FARS2: variants seen among roughly 807,000 people sequenced by gnomAD.
FARS2 encodes the protein phenylalanine--tRNA ligase, mitochondrial.
A neutral mutation model predicts 46.4 loss-of-function variants in FARS2; 40 were observed. That is an observed-to-expected ratio of 0.86 (90% CI 0.67 to 1.12). FARS2 has a LOEUF of 1.12. Ranked by LOEUF, FARS2 falls within the 50% of genes most tolerant of loss-of-function variation. The pLI is 0.00. For missense variants in FARS2, 513 were observed against 567.9 expected (o/e 0.90, Z 0.98); for synonymous variants, 234 against 214.9 (o/e 1.09, Z -0.78).
At chr6:5,710,494 T>C (rs1759073126) in intron 6 of FARS2, among the ~76,000 whole-genome samples, 1 of 152,076 alleles carries the variant, frequency 6.6e-6, no homozygotes, top group Non-Finnish European at 1.5e-5. Context: ...CATAGAGTAG[T>C]CCAGGACGGT....
chr6:5,708,099 A>T (rs1758876811), intron 6 of FARS2, among the ~76,000 whole-genome samples: 1 of 152,098 alleles, frequency 6.6e-6, no homozygotes, highest in African/African-American at 2.4e-5. Flanking sequence ...CCTCAAAGTC[A>T]TGGTGTGGTT....
chr6:5,289,908 C>T (rs759735778), intron 1 of FARS2, among the ~76,000 whole-genome samples: 15 of 152,162 alleles, frequency 9.9e-5, no homozygotes, highest in Non-Finnish European at 1.8e-4. Flanking sequence ...TTCCCTGCCT[C>T]CAAACCCTAT....
chr6:5,436,833 G>A (rs992976033), intron 4 of FARS2, among the ~76,000 whole-genome samples: 5 of 152,140 alleles, frequency 3.3e-5, no homozygotes, highest in Admixed American at 6.5e-5. Flanking sequence ...TAATTCTTAC[G>A]AATGACTCAC....
chr6:5,754,291 C>T (rs540055930), intron 6 of FARS2, among the ~76,000 whole-genome samples: 2 of 152,346 alleles, frequency 1.3e-5, no homozygotes, highest in South Asian at 4.1e-4. Flanking sequence ...TGTTTTGCTT[C>T]ACAGTGTGTT....
rs536960884 is a variant in FARS2 at position 5,573,052 on chromosome 6, G to A, written c.1065+27712G>A. On this transcript the variant is annotated intron_variant, in intron 5 of 6. Coordinates refer to ENST00000274680, the MANE Select transcript of FARS2 (RefSeq NM_006567.5). ...TGTTTCTTCCTATCCAGTCTGCCTC[G>A]CCCCCTGCTCCCTTATACCTGCTTT... 9.3e-4 allele frequency among the ~76,000 whole-genome samples: 142 copies of A among 152,024 alleles called. 1 individual carries two copies. The Middle Eastern group carries it at 0.014, about 15-fold the overall frequency.
chr6:5,720,694 A>G (rs1201001012), intron 6 of FARS2, among the ~76,000 whole-genome samples: 1 of 152,160 alleles, frequency 6.6e-6, no homozygotes, highest in African/African-American at 2.4e-5. Flanking sequence ...GTTTTTGTTT[A>G]TTTGGGGTTA....
chr6:5,711,165 T>G (rs1243083830), intron 6 of FARS2, among the ~76,000 whole-genome samples: 3 of 152,158 alleles, frequency 2.0e-5, no homozygotes, highest in African/African-American at 7.2e-5. Flanking sequence ...AGGAGCCAAC[T>G]GAAAGAGTTC....
intron 4 of FARS2, among the ~76,000 whole-genome samples, chr6:5,453,587 G>T: frequency 6.6e-6 from 1 of 152,174 alleles, no homozygotes. Context: ...GATTTGATTT[G>T]CTCTGTTTAA....
intron 5 of FARS2, chr6:5,609,311 G>A: frequency 1.8e-6 from 2 of 1,096,722 alleles, no homozygotes; most frequent in South Asian, 1.2e-5. Flanking sequence ...CAAAGTATTG[G>A]CCTCTACCAC....
At chr6:5,629,643 C>G (rs1486992084) in intron 6 of FARS2, among the ~76,000 whole-genome samples, 7 of 152,112 alleles carry the variant, frequency 4.6e-5, no homozygotes, top group Non-Finnish European at 1.0e-4. Context: ...AATAATCCTA[C>G]TATGTGCAGT....
At chr6:5,559,214 G>A (rs1582446167) in intron 5 of FARS2, among the ~76,000 whole-genome samples, 1 of 152,080 alleles carries the variant, frequency 6.6e-6, no homozygotes, top group Non-Finnish European at 1.5e-5. Context: ...ACCAGCCTGG[G>A]CAACATAGAG....
chr6:5,661,520 TG>T (rs1777851839), intron 6 of FARS2, among the ~76,000 whole-genome samples: 1 of 152,050 alleles, frequency 6.6e-6, no homozygotes, highest in Non-Finnish European at 1.5e-5. Context: ...GCCTGGAACG[TG>T]GGGGAGCCAG....
intron 4 of FARS2, among the ~76,000 whole-genome samples, chr6:5,447,237 T>C (rs1003174384): frequency 3.3e-5 from 5 of 152,122 alleles, no homozygotes; most frequent in Non-Finnish European, 7.4e-5. Flanking sequence ...GCAGTAGCAG[T>C]GGGCAGAGAG....
At chr6:5,762,065 A>G (rs1292699598) in intron 6 of FARS2, among the ~76,000 whole-genome samples, 1 of 152,180 alleles carries the variant, frequency 6.6e-6, no homozygotes, top group Non-Finnish European at 1.5e-5. Flanking sequence ...TCTATGTTGT[A>G]GCATGTATCA....
intron 4 of FARS2, among the ~76,000 whole-genome samples, chr6:5,514,675 C>T (rs901005987): frequency 2.0e-5 from 3 of 152,166 alleles, no homozygotes; most frequent in African/African-American, 7.2e-5. Context: ...TGTTCCACTA[C>T]AGTCTTATAC....
At chr6:5,691,229 T>A (rs964560820) in intron 6 of FARS2, among the ~76,000 whole-genome samples, 1 of 152,212 alleles carries the variant, frequency 6.6e-6, no homozygotes, top group Non-Finnish European at 1.5e-5. Flanking sequence ...CCATTGCTGG[T>A]GAGGAGCTGC....
At chr6:5,294,208 T>C (rs571771482) in intron 1 of FARS2, among the ~76,000 whole-genome samples, 1 of 152,296 alleles carries the variant, frequency 6.6e-6, no homozygotes, top group African/African-American at 2.4e-5. Context: ...TGATTTAATT[T>C]GTGACTAGGC....
intron 6 of FARS2, among the ~76,000 whole-genome samples, chr6:5,763,597 T>C (rs961745021): frequency 8.5e-5 from 13 of 152,160 alleles, no homozygotes; most frequent in Admixed American, 7.9e-4. Context: ...GTTAAATGAC[T>C]CGCCCAGATT....
At chr6:5,504,993 A>C (rs772809173) in intron 4 of FARS2, among the ~76,000 whole-genome samples, 39 of 152,132 alleles carry the variant, frequency 2.6e-4, no homozygotes, top group Non-Finnish European at 4.9e-4. Flanking sequence ...GAAAGATTTT[A>C]GTTTTGAAAA....
Sources: allele counts gnomAD v4.1 joint callset (sites outside exome capture counted in the v4.1 genomes callset), GRCh38; gene constraint gnomAD v4.1.1; transcripts MANE v1.5; gene names NCBI Gene and HGNC (gene_info 2026-07-23, HGNC 2026-07-21).